The following CNTN1 variants were observed in gnomAD, a reference collection of about 807,000 sequenced individuals.
The protein encoded by CNTN1 is contactin-1.
In CNTN1, 38 loss-of-function variants were observed where a neutral mutation model predicts 126.4. The observed-to-expected ratio is 0.30, with a 90% confidence interval of 0.23 to 0.39. CNTN1 has a LOEUF of 0.39. Among genes scored for constraint, CNTN1 ranks in the 10% least tolerant of loss-of-function variants. CNTN1 has a pLI of 1.00. For missense variants in CNTN1, 1,009 were observed against 1,248.4 expected (o/e 0.81, Z 2.89); for synonymous variants, 413 against 422.6 (o/e 0.98, Z 0.28).
chr12:40,979,280 G>A (rs1947761387), intron 15 of CNTN1: 1 of 152,060 alleles, frequency 6.6e-6, no homozygotes, highest in Non-Finnish European at 1.5e-5. Flanking sequence ...TAACATTGGT[G>A]GTGATGTGTT....
intron 6 of CNTN1, among the ~76,000 whole-genome samples, chr12:40,925,593 A>ATATATATATATACGTG (rs1565961908): frequency 1.4e-4 from 19 of 132,846 alleles, no homozygotes; most frequent in Non-Finnish European, 1.9e-4. Context: ...ATATACATGT[A>ATATATATATATACGTG]TATATATATA....
intron 1 of CNTN1, among the ~76,000 whole-genome samples, chr12:40,762,755 A>G (rs1407186910): frequency 6.6e-6 from 1 of 152,204 alleles, no homozygotes; most frequent in Non-Finnish European, 1.5e-5. Context: ...AAAATTATAC[A>G]TGGCCCCTTT....
chr12:40,752,472 T>A (rs1025814357), intron 1 of CNTN1, among the ~76,000 whole-genome samples: 1 of 152,124 alleles, frequency 6.6e-6, no homozygotes, highest in African/African-American at 2.4e-5. Context: ...TGTCCTTATA[T>A]GATTTTGAAA....
chr12:41,036,707 T>G (rs948441481), intron 23 of CNTN1, among the ~76,000 whole-genome samples: 1 of 152,172 alleles, frequency 6.6e-6, no homozygotes, highest in Non-Finnish European at 1.5e-5. Flanking sequence ...TATTTTCATT[T>G]TCAGTATTAT....
chr12:40,945,456 G>A (rs1946400823), intron 14 of CNTN1, among the ~76,000 whole-genome samples: 1 of 151,920 alleles, frequency 6.6e-6, no homozygotes, highest in Non-Finnish European at 1.5e-5. Flanking sequence ...ATTATCTTTG[G>A]TGTTATAAAT....
chr12:40,906,682 TTG>T lies in CNTN1; in HGVS notation c.-76-1673_-76-1672del, dbSNP rs1413182086. Among the ~76,000 whole-genome samples the T allele has an allele frequency of 3.5e-5, 5 of 140,884 alleles. 1 individual carries two copies. Among genetic ancestry groups the T allele is most frequent in the African/African-American group, 7.9e-5 (3 of 37,936 alleles). The allele number at this position is 140,884 out of a possible 152,430, so 92.4% of individuals were successfully genotyped here. ...TTGTTTTTCATGCTTTTTTTTTGTT[TTG>T]TTTTTTTTGAGATGGAGTTTCGCTC... On this transcript the variant is annotated intron_variant, in intron 1 of 23. Transcript: ENST00000551295.
intron 1 of CNTN1, among the ~76,000 whole-genome samples, chr12:40,812,225 G>C (rs930002421): frequency 4.6e-5 from 7 of 151,924 alleles, no homozygotes; most frequent in African/African-American, 7.2e-5. Context: ...TTGACTTCTA[G>C]ATTTGATTAT....
At chr12:40,787,794 A>G (rs768213647) in intron 1 of CNTN1, among the ~76,000 whole-genome samples, 2 of 152,184 alleles carry the variant, frequency 1.3e-5, no homozygotes, top group Non-Finnish European at 2.9e-5. Flanking sequence ...CAAATTCTAG[A>G]TGAATTTCAT....
intron 1 of CNTN1, among the ~76,000 whole-genome samples, chr12:40,831,242 T>A (rs1441586187): frequency 6.6e-6 from 1 of 150,482 alleles, no homozygotes; most frequent in Non-Finnish European, 1.5e-5. Context: ...TTACTTAGGA[T>A]TGTGGTAGTT....
intron 1 of CNTN1, among the ~76,000 whole-genome samples, chr12:40,813,283 G>A (rs1357363815): frequency 6.7e-6 from 1 of 150,126 alleles, no homozygotes; most frequent in African/African-American, 2.4e-5. Context: ...TGTTACATAA[G>A]TATACATGTG....
chr12:40,972,288 G>A, intron 15 of CNTN1: 2 of 985,200 alleles, frequency 2.0e-6, no homozygotes, highest in South Asian at 4.7e-5. Context: ...GAGTAGAAGT[G>A]GATGATTAAA....
chr12:40,986,870 C>T (rs935272074), intron 16 of CNTN1, among the ~76,000 whole-genome samples: 6 of 152,142 alleles, frequency 3.9e-5, no homozygotes, highest in African/African-American at 9.7e-5. Context: ...GATCTCCCCA[C>T]GTTTTTAAAC....
intron 12 of CNTN1, among the ~76,000 whole-genome samples, chr12:40,943,028 T>C (rs916168159): frequency 6.6e-6 from 1 of 152,100 alleles, no homozygotes; most frequent in African/African-American, 2.4e-5. Flanking sequence ...TTCTATACAA[T>C]AAAACTTAGT....
Position 41,020,401 on chromosome 12 carries a change from T to A in CNTN1, c.2484T>A (p.His828Gln), listed in dbSNP as rs528540072. Reference sequence around the variant, plus strand: ...TATCATCTTCTGAGATATCTGTTCATTGGGAACATGTTTTAGAAAAAATAG... The same window carrying A: ...TATCATCTTCTGAGATATCTGTTCAATGGGAACATGTTTTAGAAAAAATAG... ...KVLSSSEISV[H>Q]WEHVLEKIVE... Residue 828 changes from histidine to glutamine, a missense_variant, in exon 20 of 24, where the codon CAT (histidine) becomes CAA (glutamine). Coordinates refer to ENST00000551295, the MANE Select transcript of CNTN1 (RefSeq NM_001843.4). 1.2e-6 allele frequency: 2 copies of A among 1,612,626 alleles called. No individual in the cohort carries two copies. Among genetic ancestry groups the A allele is most frequent in the South Asian group, 2.2e-5 (2 of 90,800 alleles).
intron 1 of CNTN1, among the ~76,000 whole-genome samples, chr12:40,720,940 A>G (rs1454394636): frequency 1.1e-5 from 1 of 91,058 alleles, no homozygotes; most frequent in Non-Finnish European, 2.6e-5. Context: ...CAAAAAAACA[A>G]AAAAAGAGAA....
chr12:40,911,465 T>C (rs550819409), intron 3 of CNTN1, among the ~76,000 whole-genome samples: 49 of 152,342 alleles, frequency 3.2e-4, no homozygotes, highest in African/African-American at 1.1e-3. Flanking sequence ...CATCAGGTCT[T>C]GTGAGACTTA....
In CNTN1 at chr12:40,939,334, G is replaced by A; in HGVS notation, c.1229-1G>A. ...AAGATAACAATTTGTTTTCTTTTTAGCGTTGGCTCCAACTTTTGAAATGAA... is the reference window on the plus strand; with the variant it reads ...AAGATAACAATTTGTTTTCTTTTTAACGTTGGCTCCAACTTTTGAAATGAA... On this transcript the variant is annotated splice_acceptor_variant, in intron 11 of 23. Coordinates refer to ENST00000551295, the MANE Select transcript of CNTN1 (RefSeq NM_001843.4). LOFTEE classifies it high-confidence loss of function. 1 of 1,613,662 alleles carries A rather than the reference G, an allele frequency of 6.2e-7. No homozygotes were observed. Among genetic ancestry groups the A allele is most frequent in the Non-Finnish European group, 8.5e-7 (1 of 1,179,818 alleles).
At chr12:41,047,370 C>T (rs1166637111) in intron 23 of CNTN1, among the ~76,000 whole-genome samples, 1 of 152,140 alleles carries the variant, frequency 6.6e-6, no homozygotes, top group Non-Finnish European at 1.5e-5. Context: ...CTGAGTGCTT[C>T]CTTCACCTTT....
intron 14 of CNTN1, 33 bp downstream of exon 14, chr12:40,944,203 C>T: frequency 2.0e-6 from 3 of 1,530,416 alleles, no homozygotes; most frequent in Non-Finnish European, 2.7e-6. Flanking sequence ...TATTAACACC[C>T]CAGTGATTCC....
Sources: allele counts gnomAD v4.1 joint callset (sites outside exome capture counted in the v4.1 genomes callset), GRCh38; gene constraint gnomAD v4.1.1; transcripts MANE v1.5; gene names NCBI Gene and HGNC (gene_info 2026-07-23, HGNC 2026-07-21).